MSI2: variants seen among roughly 807,000 people sequenced by gnomAD.
MSI2 encodes the protein musashi RNA binding protein 2.
MSI2 carries 17 observed loss-of-function variants against 45.6 expected under a neutral mutation model. The observed-to-expected ratio is 0.37, with a 90% CI of 0.26 to 0.56. The LOEUF (loss-of-function observed/expected upper bound fraction) is 0.56. MSI2 is among the 20% of genes least tolerant of loss of function. The pLI is 0.77. For missense variants in MSI2, 293 were observed against 444.2 expected (o/e 0.66, Z 3.06); for synonymous variants, 156 against 158.2 (o/e 0.99, Z 0.11).
intron 10 of MSI2, among the ~76,000 whole-genome samples, chr17:57,650,360 G>C (rs1488597024): frequency 6.6e-6 from 1 of 152,200 alleles, no homozygotes; most frequent in Non-Finnish European, 1.5e-5. Flanking sequence ...AGAAGCCTGG[G>C]TGTCCTGGGG....
intron 5 of MSI2, among the ~76,000 whole-genome samples, chr17:57,335,438 A>G (rs953995383): frequency 1.3e-5 from 2 of 152,182 alleles, no homozygotes; most frequent in African/African-American, 4.8e-5. Flanking sequence ...AGCTACACAC[A>G]TTTGTTTACG....
intron 9 of MSI2, among the ~76,000 whole-genome samples, chr17:57,624,085 G>A (rs11870096): frequency 0.28 from 42,340 of 152,160 alleles, 7,512 homozygotes; most frequent in Non-Finnish European, 0.39. Context: ...TTGAAGCCTT[G>A]TAGGAAAGCC....
intron 9 of MSI2, among the ~76,000 whole-genome samples, chr17:57,618,561 T>C (rs554738940): frequency 4.1e-4 from 62 of 152,288 alleles, no homozygotes; most frequent in African/African-American, 1.5e-3. Flanking sequence ...CTTTTTTTTC[T>C]TGAGATGGAG....
chr17:57,257,035 G>A, intron 1 of MSI2, 63 bp from the exon 2 acceptor site: 1 of 1,549,532 alleles, frequency 6.5e-7, no homozygotes, highest in Non-Finnish European at 8.8e-7. Flanking sequence ...GCTTTTGTAA[G>A]TTACACGTCA....
chr17:57,327,586 T>C (rs571438219), intron 5 of MSI2, among the ~76,000 whole-genome samples: 1 of 152,328 alleles, frequency 6.6e-6, no homozygotes, highest in Non-Finnish European at 1.5e-5. Flanking sequence ...CATCAAGGGA[T>C]AATGTGGTGT....
At chr17:57,327,139 C>T (rs564041166) in intron 5 of MSI2, among the ~76,000 whole-genome samples, 85 of 152,200 alleles carry the variant, frequency 5.6e-4, no homozygotes, top group South Asian at 1.5e-3. Context: ...GGGCTGGGCA[C>T]GGTAATCCAC....
intron 6 of MSI2, among the ~76,000 whole-genome samples, chr17:57,519,672 C>T (rs1310223973): frequency 1.3e-5 from 2 of 152,226 alleles, no homozygotes; most frequent in Non-Finnish European, 2.9e-5. Flanking sequence ...CTAATCACCT[C>T]TATTCACTTT....
intron 5 of MSI2, among the ~76,000 whole-genome samples, chr17:57,350,526 G>A (rs1010173996): frequency 2.6e-5 from 4 of 152,046 alleles, no homozygotes; most frequent in Non-Finnish European, 4.4e-5. Flanking sequence ...GAGGGTGGCC[G>A]TGGTGTGTTC....
At chr17:57,663,077 G>T (rs567190969) in intron 11 of MSI2, among the ~76,000 whole-genome samples, 28 of 152,294 alleles carry the variant, frequency 1.8e-4, no homozygotes, top group African/African-American at 6.5e-4. Context: ...TGCGAGGACC[G>T]CTTCTGGAAG....
At chr17:57,278,436 A>C (rs1295212070) in intron 5 of MSI2, 1 of 152,432 alleles carries the variant, frequency 6.6e-6, no homozygotes, top group Non-Finnish European at 1.5e-5. Flanking sequence ...GAGGGACAAG[A>C]GGAGGACCAA....
At chr17:57,586,075 G>A (rs142572260) in intron 7 of MSI2, among the ~76,000 whole-genome samples, 296 of 152,298 alleles carry the variant, frequency 1.9e-3, no homozygotes, top group Middle Eastern at 6.8e-3. Flanking sequence ...CTATTTTCCC[G>A]ACCAAGATGG....
chr17:57,569,431 G>A (rs1001440072), intron 7 of MSI2, among the ~76,000 whole-genome samples: 4 of 152,168 alleles, frequency 2.6e-5, no homozygotes, highest in Non-Finnish European at 4.4e-5. Flanking sequence ...GGACATTGTG[G>A]TCATGAGGAG....
intron 6 of MSI2, among the ~76,000 whole-genome samples, chr17:57,403,943 A>G (rs1194302976): frequency 3.9e-5 from 6 of 152,056 alleles, no homozygotes; most frequent in Admixed American, 1.3e-4. Flanking sequence ...GCACACACAC[A>G]CACACACACA....
At chr17:57,657,534 C>T (rs1236297315) in intron 11 of MSI2, among the ~76,000 whole-genome samples, 2 of 152,216 alleles carry the variant, frequency 1.3e-5, no homozygotes, top group Non-Finnish European at 2.9e-5. Context: ...ATTCTAAGAG[C>T]TCCAGTTCCA....
intron 10 of MSI2, among the ~76,000 whole-genome samples, chr17:57,648,170 TG>T (rs1567958388): frequency 1.5e-4 from 23 of 149,190 alleles, no homozygotes; most frequent in African/African-American, 5.0e-4. Flanking sequence ...TGTGTGTGTG[TG>T]TGTGTGTGTG....
chr17:57,363,077 A>G (rs1916931130), intron 5 of MSI2, among the ~76,000 whole-genome samples: 1 of 152,234 alleles, frequency 6.6e-6, no homozygotes, highest in South Asian at 2.1e-4. Context: ...ACATTGCAGC[A>G]TTATTCACAA....
At chr17:57,591,268 A>G (rs926199899) in intron 7 of MSI2, among the ~76,000 whole-genome samples, 6 of 151,630 alleles carry the variant, frequency 4.0e-5, no homozygotes, top group Non-Finnish European at 7.4e-5. Context: ...AATAATCATG[A>G]CTCCCTGTCC....
At chr17:57,572,543 T>A (rs943358800) in intron 7 of MSI2, among the ~76,000 whole-genome samples, 1 of 152,346 alleles carries the variant, frequency 6.6e-6, no homozygotes, top group Middle Eastern at 3.4e-3. Flanking sequence ...TGTCTGCTTG[T>A]CTTTGTCCAT....
chr17:57,659,577 C>T (rs964713296), intron 11 of MSI2, among the ~76,000 whole-genome samples: 3 of 152,130 alleles, frequency 2.0e-5, no homozygotes, highest in Admixed American at 1.3e-4. Flanking sequence ...ACCTGGTTAC[C>T]GGAGAGCAAG....
Sources: allele counts gnomAD v4.1 joint callset (sites outside exome capture counted in the v4.1 genomes callset), GRCh38; gene constraint gnomAD v4.1.1; transcripts MANE v1.5; gene names NCBI Gene and HGNC (gene_info 2026-07-23, HGNC 2026-07-21).